The following NELL1 variants were observed in gnomAD, a reference collection of about 807,000 sequenced individuals.
The protein encoded by NELL1 is neural EGFL like 1.
NELL1 carries 76 observed loss-of-function variants against 107.4 expected under a neutral mutation model. The ratio of observed to expected loss-of-function variants is 0.71; its 90% confidence interval spans 0.59 to 0.86. The LOEUF is 0.86. Ranked by LOEUF, NELL1 falls within the 40% of genes least tolerant of loss-of-function variation. The pLI is 0.00. For synonymous variants in NELL1, 353 were observed against 341.2 expected, an observed-to-expected ratio of 1.03 and a Z score of -0.38; for missense variants, 1,024 against 1,005.5, an observed-to-expected ratio of 1.02 and a Z score of -0.25.
At chr11:20,730,915 A>G (rs1590241119) in intron 2 of NELL1, among the ~76,000 whole-genome samples, 1 of 152,230 alleles carries the variant, frequency 6.6e-6, no homozygotes, top group East Asian at 1.9e-4. Context: ...TTTTCAAAGC[A>G]GCCAGATCTG....
intron 2 of NELL1, among the ~76,000 whole-genome samples, chr11:20,779,381 A>T (rs375359703): frequency 6.6e-6 from 1 of 152,176 alleles, no homozygotes; most frequent in African/African-American, 2.4e-5. Flanking sequence ...TATTCAATCT[A>T]TGTTTAGCAT....
chr11:20,947,382 G>A lies in NELL1; in HGVS notation c.1118G>A (p.Cys373Tyr). ...KITEMCPPLN[C>Y]SEKDHILPEN... ...ACAGAAATGTGTCCTCCTTTGAACT[G>A]CTCAGAAAAGGATCACATTCTTCCT... The change falls in exon 11 of 20, where the codon TGC becomes TAC. Residue 373 changes from cysteine (C) to tyrosine (Y), a missense_variant. Cys to Tyr is a radical substitution (Grantham distance 194). Coordinates refer to ENST00000357134, the MANE Select transcript of NELL1 (RefSeq NM_006157.5). 1.2e-6 allele frequency: 2 copies of A among 1,614,070 alleles called. No individual in the cohort carries two copies. Among genetic ancestry groups the A allele is most frequent in the Non-Finnish European group, 1.7e-6 (2 of 1,179,980 alleles).
chr11:21,514,669 C>T (rs1196392539), intron 15 of NELL1, among the ~76,000 whole-genome samples: 1 of 147,718 alleles, frequency 6.8e-6, no homozygotes, highest in Non-Finnish European at 1.5e-5. Context: ...CTGTGCCAAA[C>T]GAAATCACAC....
At chr11:20,995,510 G>A (rs561180160) in intron 12 of NELL1, among the ~76,000 whole-genome samples, 40 of 152,098 alleles carry the variant, frequency 2.6e-4, no homozygotes, top group Non-Finnish European at 3.8e-4. Flanking sequence ...CCCAGGAAGC[G>A]GAGGTTACAG....
At chr11:20,839,599 T>C (rs1848587445) in intron 3 of NELL1, among the ~76,000 whole-genome samples, 3 of 152,204 alleles carry the variant, frequency 2.0e-5, no homozygotes, top group African/African-American at 7.2e-5. Flanking sequence ...TATGTCATTT[T>C]ATTCTCAAAA....
At chr11:20,965,758 C>T (rs1278026859) in intron 12 of NELL1, among the ~76,000 whole-genome samples, 1 of 152,004 alleles carries the variant, frequency 6.6e-6, no homozygotes, top group African/African-American at 2.4e-5. Context: ...AGGGTCTGAC[C>T]CTTAGAATGG....
intron 15 of NELL1, among the ~76,000 whole-genome samples, chr11:21,374,655 C>T (rs1851429294): frequency 6.6e-6 from 1 of 152,070 alleles, no homozygotes; most frequent in South Asian, 2.1e-4. Flanking sequence ...AAAACCACCA[C>T]ACTGTGAACC....
chr11:20,837,255 A>G (rs1203386403), intron 3 of NELL1, among the ~76,000 whole-genome samples: 4 of 152,156 alleles, frequency 2.6e-5, no homozygotes, highest in Non-Finnish European at 5.9e-5. Context: ...ATGGTAGATC[A>G]TGGGAGATTA....
At chr11:20,846,398 C>A (rs1359800402) in intron 3 of NELL1, among the ~76,000 whole-genome samples, 1 of 152,104 alleles carries the variant, frequency 6.6e-6, no homozygotes. Context: ...AGATTAAATA[C>A]CCTTTGGCTT....
intron 5 of NELL1, among the ~76,000 whole-genome samples, chr11:20,907,110 A>T (rs1028903616): frequency 2.0e-5 from 3 of 151,976 alleles, no homozygotes; most frequent in Non-Finnish European, 4.4e-5. Context: ...CCACATATAA[A>T]AATGATCTCA....
chr11:21,010,823 C>T (rs1366349888), intron 12 of NELL1, among the ~76,000 whole-genome samples: 1 of 152,074 alleles, frequency 6.6e-6, no homozygotes, highest in African/African-American at 2.4e-5. Flanking sequence ...CAGCAAACTG[C>T]CCTTAGCTTC....
intron 3 of NELL1, among the ~76,000 whole-genome samples, chr11:20,828,878 T>C (rs567138067): frequency 6.6e-5 from 10 of 152,268 alleles, no homozygotes; most frequent in Middle Eastern, 3.4e-3. Flanking sequence ...AATAACTCAA[T>C]CCGTGAGGAA....
intron 12 of NELL1, among the ~76,000 whole-genome samples, chr11:21,003,049 G>C (rs7109144): frequency 0.28 from 42,337 of 151,896 alleles, 8,247 homozygotes; most frequent in African/African-American, 0.55. Context: ...TTAAATGTGC[G>C]ATCTCTTCTC....
intron 5 of NELL1, among the ~76,000 whole-genome samples, chr11:20,914,483 A>G (rs1850202013): frequency 6.6e-6 from 1 of 152,130 alleles, no homozygotes; most frequent in Admixed American, 6.6e-5. Flanking sequence ...AGAAGCTTTT[A>G]TCATGCAGAT....
rs555280110 is a variant in NELL1, at chr11:21,472,197, C to A, written c.1646-62177C>A. 5.5e-4 allele frequency among the ~76,000 whole-genome samples: 84 copies of A among 151,980 alleles called. 2 individuals are homozygous for A. The South Asian group carries it at 0.017, about 31-fold the overall frequency. On this transcript the variant is annotated intron_variant, in intron 15 of 19. Coordinates refer to ENST00000357134, the MANE Select transcript of NELL1 (RefSeq NM_006157.5). ...TTTGTTTGTTTTAAACTTCTCTACC[C>A]AGCTGTGGCTCACTGTTCAGCAAAT...
At chr11:21,304,257 A>G (rs1849559729) in intron 14 of NELL1, among the ~76,000 whole-genome samples, 1 of 152,042 alleles carries the variant, frequency 6.6e-6, no homozygotes, top group African/African-American at 2.4e-5. Flanking sequence ...CACACTGTCT[A>G]AATGCGTCCT....
At chr11:20,882,323 C>A (rs754229877) in intron 4 of NELL1, among the ~76,000 whole-genome samples, 1 of 152,196 alleles carries the variant, frequency 6.6e-6, no homozygotes, top group Non-Finnish European at 1.5e-5. Context: ...AAATTCTGTG[C>A]GTATCCTTAG....
chr11:21,100,036 A>G (rs895706708), intron 12 of NELL1, among the ~76,000 whole-genome samples: 1 of 150,720 alleles, frequency 6.6e-6, no homozygotes, highest in African/African-American at 2.5e-5. Flanking sequence ...TTTTTTTGAG[A>G]CACAGAGTAT....
chr11:21,072,440 C>G (rs969275062), intron 12 of NELL1, among the ~76,000 whole-genome samples: 1 of 152,224 alleles, frequency 6.6e-6, no homozygotes, highest in African/African-American at 2.4e-5. Context: ...TTTTTTCTCC[C>G]CAGCTGCAGA....
Sources: gnomAD v4.1 joint callset for allele counts (sites outside exome capture counted in the v4.1 genomes callset) on GRCh38, gnomAD v4.1.1 for gene constraint, MANE v1.5 for transcripts, NCBI Gene and HGNC (gene_info 2026-07-23, HGNC 2026-07-21) for gene names.